Variants in MMS22L observed in about 807,000 individuals in gnomAD.
The protein encoded by MMS22L is MMS22 like, DNA repair protein.
In MMS22L, 74 loss-of-function variants were observed where a neutral mutation model predicts 159.1. That is an observed-to-expected ratio of 0.47 (90% CI 0.39 to 0.56). MMS22L has a LOEUF of 0.56. Ranked by LOEUF, MMS22L falls within the 20% of genes least tolerant of loss-of-function variation. The pLI, the probability that MMS22L is intolerant of heterozygous loss-of-function variation, is 0.00. For synonymous variants in MMS22L, 517 were observed against 506.9 expected (o/e 1.02, Z -0.27); for missense variants, 1,351 against 1,422.1 (o/e 0.95, Z 0.80).
intron 11 of MMS22L, among the ~76,000 whole-genome samples, chr6:97,234,319 T>C (rs867363506): frequency 4.6e-5 from 7 of 152,280 alleles, no homozygotes; most frequent in Middle Eastern, 3.4e-3. Context: ...AAAAATGATG[T>C]AACGATTAAG....
intron 20 of MMS22L, 44 bp downstream of exon 20, chr6:97,168,027 C>T: frequency 6.8e-7 from 1 of 1,469,146 alleles, no homozygotes; most frequent in South Asian, 1.4e-5. Flanking sequence ...GGCAAAGTTT[C>T]AATATTTTTT....
At chr6:97,265,072 G>C (rs1814943118) in intron 8 of MMS22L, 1 of 152,066 alleles carries the variant, frequency 6.6e-6, no homozygotes, top group African/African-American at 2.4e-5. Context: ...AATCACAAAA[G>C]GTCCTGAATA....
intron 14 of MMS22L, among the ~76,000 whole-genome samples, chr6:97,196,223 CAG>C (rs1448348470): frequency 6.6e-6 from 1 of 151,850 alleles, no homozygotes; most frequent in African/African-American, 2.4e-5. Context: ...AGTGCCGAGA[CAG>C]AGGTATGTAA....
intron 9 of MMS22L, chr6:97,261,397 T>A (rs1562518198): frequency 6.6e-6 from 1 of 152,614 alleles, no homozygotes; most frequent in Non-Finnish European, 1.5e-5. Context: ...TCCTCCTCCT[T>A]AGCCTACTCA....
chr6:97,281,635 A>T (rs1333562949), intron 2 of MMS22L, among the ~76,000 whole-genome samples: 8 of 152,232 alleles, frequency 5.3e-5, no homozygotes, highest in Non-Finnish European at 1.0e-4. Context: ...TGTCTTCACC[A>T]GTAGTCTTCA....
intron 24 of MMS22L, 69 bp downstream of exon 24, chr6:97,149,784 T>C (rs75289854): frequency 1.4e-6 from 2 of 1,407,708 alleles, no homozygotes; most frequent in Non-Finnish European, 9.4e-7. Context: ...AAATAAATCA[T>C]TTCTATAAAA....
intron 14 of MMS22L, among the ~76,000 whole-genome samples, chr6:97,211,157 T>TA (rs1232183800): frequency 6.6e-6 from 1 of 151,986 alleles, no homozygotes; most frequent in African/African-American, 2.4e-5. Context: ...AAACCACAAT[T>TA]AAAAAACTGT....
At chr6:97,197,760 A>G (rs927100539) in intron 14 of MMS22L, among the ~76,000 whole-genome samples, 22 of 152,192 alleles carry the variant, frequency 1.4e-4, no homozygotes, top group Admixed American at 2.6e-4. Context: ...TACAAGCAAC[A>G]GTGTGAACAA....
intron 21 of MMS22L, among the ~76,000 whole-genome samples, chr6:97,162,633 C>T (rs957293180): frequency 1.3e-5 from 2 of 151,810 alleles, no homozygotes; most frequent in African/African-American, 4.8e-5. Flanking sequence ...GAGGACTGTC[C>T]TAGGAATAAG....
intron 11 of MMS22L, among the ~76,000 whole-genome samples, chr6:97,235,670 C>T (rs554064216): frequency 3.3e-5 from 5 of 152,236 alleles, no homozygotes; most frequent in African/African-American, 1.2e-4. Flanking sequence ...TGACGGCCTT[C>T]CCAGAGCAGT....
chr6:97,175,364 A>C (rs961680423), intron 18 of MMS22L, among the ~76,000 whole-genome samples: 3 of 152,214 alleles, frequency 2.0e-5, no homozygotes, highest in African/African-American at 7.2e-5. Context: ...ATGTGGCTGG[A>C]AGAATAAGAA....
At chr6:97,181,020 C>T (rs1804649735) in intron 16 of MMS22L, among the ~76,000 whole-genome samples, 1 of 152,088 alleles carries the variant, frequency 6.6e-6, no homozygotes, top group Non-Finnish European at 1.5e-5. Context: ...TACACATATG[C>T]CATGTGTACA....
chr6:97,183,081 T>G (rs1804884737), intron 15 of MMS22L, among the ~76,000 whole-genome samples: 1 of 152,154 alleles, frequency 6.6e-6, no homozygotes, highest in African/African-American at 2.4e-5. Flanking sequence ...GACCTTGGCA[T>G]TACCAGTAAC....
rs749744892 is a variant in MMS22L at position 97,178,578 on chromosome 6, C to A, written c.2544G>T (p.Glu848Asp). ...DKNLEEAVEK[E>D]YMKQLVKLTR... ...TCAGTTTGACCAACTGTTTCATGTA[C>A]TCTTTTTCTGTTAAAATAAAATAGT... The change falls in exon 18 of 25, where the codon GAG becomes GAT. Residue 848 changes from glutamate (E) to aspartate (D), a missense_variant. Coordinates refer to ENST00000683635, the MANE Select transcript of MMS22L (RefSeq NM_001350599.2). 1.3e-6 allele frequency: 2 copies of A among 1,500,080 alleles called. No individual in the cohort carries two copies. Among genetic ancestry groups the A allele is most frequent in the Non-Finnish European group, 9.1e-7 (1 of 1,099,532 alleles). The allele number at this position is 1,500,080 out of a possible 1,614,324, so 92.9% of individuals were successfully genotyped here.
chr6:97,268,142 G>A (rs1447560078), intron 7 of MMS22L, 140 bp from the exon 8 acceptor site: 2 of 566,124 alleles, frequency 3.5e-6, no homozygotes, highest in Admixed American at 3.9e-5. Context: ...ATGAATTTGA[G>A]GACAACCTTC....
chr6:97,225,863 G>A (rs905459119), intron 14 of MMS22L, among the ~76,000 whole-genome samples: 1 of 152,100 alleles, frequency 6.6e-6, no homozygotes, highest in Admixed American at 6.5e-5. Flanking sequence ...AAGCCACCAC[G>A]CCCAGCCTTA....
At chr6:97,184,707 C>T (rs1364468444) in intron 15 of MMS22L, among the ~76,000 whole-genome samples, 1 of 152,072 alleles carries the variant, frequency 6.6e-6, no homozygotes, top group Non-Finnish European at 1.5e-5. Context: ...CCTCTACTGC[C>T]ACCACTCTAG....
intron 10 of MMS22L, chr6:97,253,431 C>T (rs1323090867): frequency 6.6e-6 from 1 of 151,414 alleles, no homozygotes; most frequent in African/African-American, 2.4e-5. Context: ...CAAATCAGGA[C>T]CTCCAGAGTT....
At position 97,145,820 on chromosome 6, in the gene MMS22L, C is replaced by T. The variant is rs192393318; in HGVS notation, c.*986G>A. The T allele has an allele frequency of 6.6e-6, 1 of 152,226 alleles. No individual in the cohort carries two copies. Among genetic ancestry groups the T allele is most frequent in the African/African-American group, 2.4e-5 (1 of 41,552 alleles). The allele number at this position is 152,226 out of a possible 1,614,324, so 9.4% of individuals were successfully genotyped here. A position where few individuals can be genotyped will look rare whatever the true frequency, so the allele number is the denominator to read the frequency against. On this transcript the variant is annotated 3_prime_UTR_variant, in exon 25 of 25. Transcript: ENST00000683635. ...GGTTCCCAAAACTAGGACTGGAGCT[C>T]TTTCAACCAAATAATGCTCAATAGG...
Sources: allele counts gnomAD v4.1 joint callset (sites outside exome capture counted in the v4.1 genomes callset), GRCh38; gene constraint gnomAD v4.1.1; transcripts MANE v1.5; gene names NCBI Gene and HGNC (gene_info 2026-07-23, HGNC 2026-07-21).